Variants in PCDHGA5 observed in about 807,000 individuals in gnomAD.
The protein encoded by PCDHGA5 is protocadherin gamma-A5.
Under a neutral mutation model 56.7 loss-of-function variants are expected in PCDHGA5, and 36 were observed. That is an observed-to-expected ratio of 0.64 (90% CI 0.49 to 0.84). The LOEUF (loss-of-function observed/expected upper bound fraction) is 0.84. Ranked by LOEUF, PCDHGA5 falls within the 40% of genes least tolerant of loss-of-function variation. PCDHGA5 has a pLI of 0.00. For synonymous variants in PCDHGA5, 563 were observed against 520.2 expected (o/e 1.08, Z -1.12); for missense variants, 1,305 against 1,201.5 (o/e 1.09, Z -1.27).
intron 1 of PCDHGA5, chr5:141,410,284 G>A (rs2095374455): frequency 1.2e-6 from 2 of 1,613,990 alleles, no homozygotes; most frequent in Non-Finnish European, 1.7e-6. Flanking sequence ...ACCTGGTGGT[G>A]GCCTTGGCCT....
At chr5:141,371,316 G>A in intron 1 of PCDHGA5, 1 of 1,614,002 alleles carries the variant, frequency 6.2e-7, no homozygotes, top group Non-Finnish European at 8.5e-7. Flanking sequence ...TGGAGAACTG[G>A]ACTTTGAAGA....
chr5:141,454,796 A>ATTTTTTTTTTTTTT lies in PCDHGA5; in HGVS notation c.2422-39995_2422-39982dup, dbSNP rs61612330. ...AAGGAAATAATCCTCCATGGTTCTA[A>ATTTTTTTTTTTTTT]TTTTTTTTTTTTTTTTTTTTTTTTT... On this transcript the variant is annotated intron_variant, in intron 1 of 3. Coordinates refer to ENST00000518069, the MANE Select transcript of PCDHGA5 (RefSeq NM_018918.3). 1.1e-3 allele frequency among the ~76,000 whole-genome samples: 87 copies of ATTTTTTTTTTTTTT among 77,456 alleles called. 11 individuals carry two copies. The highest frequency in any genetic ancestry group is 1.4e-3 in the Admixed American group (8 of 5,554). The allele number at this position is 77,456 out of a possible 152,430, so 50.8% of individuals were successfully genotyped here.
At chr5:141,409,831 C>A (rs1015263434) in intron 1 of PCDHGA5, 1 of 1,611,128 alleles carries the variant, frequency 6.2e-7, no homozygotes, top group African/African-American at 1.3e-5. Flanking sequence ...CCACGCTCAG[C>A]GCCAACGTGA....
intron 1 of PCDHGA5, chr5:141,398,702 C>G: frequency 6.2e-7 from 1 of 1,613,832 alleles, no homozygotes; most frequent in Non-Finnish European, 8.5e-7. Flanking sequence ...AGTAAATACC[C>G]GGAACTGGCA....
chr5:141,430,904 T>C (rs2097322701), intron 1 of PCDHGA5: 5 of 1,606,730 alleles, frequency 3.1e-6, no homozygotes, highest in Middle Eastern at 1.7e-4. Context: ...GGGCGACATC[T>C]CCAGGGACCT....
At chr5:141,417,982 G>A (rs756382601) in intron 1 of PCDHGA5, 4 of 1,613,886 alleles carry the variant, frequency 2.5e-6, no homozygotes, top group Admixed American at 3.3e-5. Flanking sequence ...CGGAGGAGCT[G>A]GCCAAGGGCT....
chr5:141,413,198 C>G, intron 1 of PCDHGA5: 1 of 1,611,416 alleles, frequency 6.2e-7, no homozygotes, highest in Non-Finnish European at 8.5e-7. Context: ...AGGAATCGCT[C>G]AAAGGAATCA....
At chr5:141,501,288 TATACAC>T (rs201660636) in intron 2 of PCDHGA5, among the ~76,000 whole-genome samples, 3 of 81,324 alleles carry the variant, frequency 3.7e-5, no homozygotes, top group African/African-American at 1.5e-4. Flanking sequence ...GATATTCCCT[TATACAC>T]ACACACACAC....
intron 1 of PCDHGA5, among the ~76,000 whole-genome samples, chr5:141,494,100 G>T (rs559145191): frequency 6.6e-6 from 1 of 152,152 alleles, no homozygotes; most frequent in Non-Finnish European, 1.5e-5. Flanking sequence ...ATTTTTCTCC[G>T]TCTCAGACAG....
chr5:141,435,603 T>C (rs1195458514), intron 1 of PCDHGA5, among the ~76,000 whole-genome samples: 1 of 152,218 alleles, frequency 6.6e-6, no homozygotes, highest in African/African-American at 2.4e-5. Flanking sequence ...GCCTGCTTTT[T>C]ACATTAAATT....
intron 1 of PCDHGA5, among the ~76,000 whole-genome samples, chr5:141,455,425 A>G (rs2098822334): frequency 1.3e-5 from 2 of 152,168 alleles, no homozygotes; most frequent in African/African-American, 2.4e-5. Flanking sequence ...CGGGGCTCCA[A>G]AAGAGGAGGT....
Position 141,477,662 on chromosome 5 carries a change from A to G in PCDHGA5, c.2422-17145A>G. On this transcript the variant is annotated intron_variant, in intron 1 of 3. Transcript: ENST00000518069. The surrounding 1 kb of genome is among the most constrained non-coding windows in gnomAD (Gnocchi z 4.9). ...TCGCTATTTCACAATAAATCGTGAC[A>G]ATGGCATAGTGTCATCCTTAGTGCC... The G allele has an allele frequency of 6.2e-7, 1 of 1,614,222 alleles. No individual in the cohort carries two copies.
Position 141,486,740 on chromosome 5 carries a change from T to G in PCDHGA5, c.2422-8067T>G. Reference sequence around the variant, plus strand: ...AGGAGCTGTTCATGCTACTCGATCCTTTGACTATGAGCAAACCCAGACACT... The same window carrying G: ...AGGAGCTGTTCATGCTACTCGATCCGTTGACTATGAGCAAACCCAGACACT... On this transcript the variant is annotated intron_variant, in intron 1 of 3. Transcript: ENST00000518069. This position sits in a 1 kb window ranked among gnomAD's most constrained non-coding sequence, Gnocchi z 5.0. 6.2e-7 allele frequency: 1 copy of G among 1,614,234 alleles called. No individual in the cohort carries two copies. The highest frequency in any genetic ancestry group is 8.5e-7 in the Non-Finnish European group (1 of 1,180,046).
chr5:141,473,186 T>C (rs984810414), intron 1 of PCDHGA5, among the ~76,000 whole-genome samples: 1 of 152,134 alleles, frequency 6.6e-6, no homozygotes, highest in African/African-American at 2.4e-5. Flanking sequence ...CTTGAAGGAG[T>C]AAATGTATCT....
At chr5:141,388,692 G>A (rs2091455947) in intron 1 of PCDHGA5, 1 of 1,613,870 alleles carries the variant, frequency 6.2e-7, no homozygotes, top group Non-Finnish European at 8.5e-7. Flanking sequence ...CACGGACCAG[G>A]ATGAGGGTGT....
intron 1 of PCDHGA5, among the ~76,000 whole-genome samples, chr5:141,435,227 G>T (rs1461159947): frequency 1.3e-5 from 2 of 152,030 alleles, no homozygotes; most frequent in African/African-American, 4.8e-5. Context: ...TTCTTTCAAA[G>T]TTCAGTAATT....
intron 1 of PCDHGA5, chr5:141,385,468 A>G: frequency 1.4e-6 from 2 of 1,440,194 alleles, no homozygotes; most frequent in Non-Finnish European, 1.8e-6. Context: ...TTCAGTGGTG[A>G]CACTTTAATA....
intron 1 of PCDHGA5, among the ~76,000 whole-genome samples, chr5:141,451,717 A>G (rs2098722445): frequency 6.6e-6 from 1 of 152,166 alleles, no homozygotes; most frequent in Non-Finnish European, 1.5e-5. Context: ...CCCTGCCTCT[A>G]CTAAAAATAC....
chr5:141,475,254 C>T (rs776471860), intron 1 of PCDHGA5, among the ~76,000 whole-genome samples: 9 of 152,208 alleles, frequency 5.9e-5, no homozygotes, highest in Admixed American at 1.3e-4. Flanking sequence ...TGCTCTACAA[C>T]TGAGATCATG....
Sources: gnomAD v4.1 joint callset for allele counts (sites outside exome capture counted in the v4.1 genomes callset) on GRCh38, gnomAD v4.1.1 for gene constraint, Gnocchi (gnomAD v3.1) non-coding constraint, MANE v1.5 for transcripts, NCBI Gene and HGNC (gene_info 2026-07-23, HGNC 2026-07-21) for gene names.